Variants in DAAM2 observed in about 807,000 individuals in gnomAD.
The protein encoded by DAAM2 is disheveled-associated activator of morphogenesis 2.
DAAM2 carries 39 observed loss-of-function variants against 120.7 expected under a neutral mutation model. The observed-to-expected ratio is 0.32, with a 90% confidence interval of 0.25 to 0.42. DAAM2 has a LOEUF of 0.42. Among genes scored for constraint, DAAM2 ranks in the 10% least tolerant of loss-of-function variants. The pLI, the probability that DAAM2 is intolerant of heterozygous loss-of-function variation, is 1.00. For missense variants in DAAM2, 1,283 were observed against 1,401.7 expected (o/e 0.92, Z 1.35); for synonymous variants, 488 against 524.9 (o/e 0.93, Z 0.96).
chr6:39,815,904 T>G (rs2114095641), intron 1 of DAAM2, among the ~76,000 whole-genome samples: 1 of 152,342 alleles, frequency 6.6e-6, no homozygotes, highest in South Asian at 2.1e-4. Flanking sequence ...GTAATTCAGC[T>G]GTCTTTACTC....
At chr6:39,799,815 C>A (rs1017842222) in intron 1 of DAAM2, among the ~76,000 whole-genome samples, 9 of 152,160 alleles carry the variant, frequency 5.9e-5, no homozygotes, top group Admixed American at 4.6e-4. Flanking sequence ...AATGTATTCA[C>A]CCCCTTCTAC....
At chr6:39,873,483 G>A (rs1348857976) in intron 10 of DAAM2, 128 bp downstream of exon 10, 101 of 680,716 alleles carry the variant, frequency 1.5e-4, no homozygotes, top group Non-Finnish European at 1.2e-4. Flanking sequence ...CTTGCTTTTG[G>A]GAGGGCAGGC....
At chr6:39,853,658 A>G (rs1763895599) in intron 1 of DAAM2, among the ~76,000 whole-genome samples, 1 of 152,180 alleles carries the variant, frequency 6.6e-6, no homozygotes, top group Non-Finnish European at 1.5e-5. Flanking sequence ...GAGCCAAGAA[A>G]GGTAAGAGGG....
chr6:39,815,399 A>G, intron 1 of DAAM2, among the ~76,000 whole-genome samples: 1 of 152,174 alleles, frequency 6.6e-6, no homozygotes, highest in East Asian at 1.9e-4. Context: ...CACTCATTGT[A>G]TGGGTGTCCC....
intron 1 of DAAM2, among the ~76,000 whole-genome samples, chr6:39,826,658 T>C (rs185751687): frequency 2.0e-5 from 3 of 152,336 alleles, no homozygotes; most frequent in East Asian, 3.9e-4. Context: ...GTGATTTTTT[T>C]CACTTCATAT....
chr6:39,833,641 A>G (rs538560630), intron 1 of DAAM2, among the ~76,000 whole-genome samples: 41 of 152,246 alleles, frequency 2.7e-4, no homozygotes, highest in African/African-American at 9.9e-4. Context: ...TCCTGTCTAG[A>G]GGAGACATCA....
At chr6:39,850,365 C>T (rs1189438738) in intron 1 of DAAM2, among the ~76,000 whole-genome samples, 1 of 152,152 alleles carries the variant, frequency 6.6e-6, no homozygotes, top group East Asian at 1.9e-4. Flanking sequence ...TTACCCCCCA[C>T]CTCCCAGGCT....
chr6:39,840,222 G>A (rs1203713408), intron 1 of DAAM2, among the ~76,000 whole-genome samples: 1 of 151,276 alleles, frequency 6.6e-6, no homozygotes, highest in Non-Finnish European at 1.5e-5. Flanking sequence ...GTGAGACAAT[G>A]TCTCAAAAAA....
chr6:39,893,819 G>A (rs2504805), intron 19 of DAAM2, among the ~76,000 whole-genome samples: 43,304 of 152,028 alleles, frequency 0.28, 6,800 homozygotes, highest in Non-Finnish European at 0.37. Flanking sequence ...GCAAAGATGG[G>A]ATTCTTATTC....
intron 5 of DAAM2, among the ~76,000 whole-genome samples, chr6:39,866,082 T>A (rs147223854): frequency 9.2e-5 from 14 of 152,304 alleles, no homozygotes; most frequent in Non-Finnish European, 1.8e-4. Flanking sequence ...GTGTATGTTG[T>A]CTGAGCTGAG....
intron 6 of DAAM2, chr6:39,868,131 G>GA: frequency 7.1e-6 from 3 of 421,852 alleles, no homozygotes; most frequent in Admixed American, 3.7e-5. Context: ...CATTATTTTT[G>GA]TGGCTCTGCA....
intron 1 of DAAM2, among the ~76,000 whole-genome samples, chr6:39,842,740 T>C (rs1036513764): frequency 1.3e-5 from 2 of 151,926 alleles, no homozygotes; most frequent in Admixed American, 1.3e-4. Flanking sequence ...AAAAAGTGCT[T>C]TGAGTTTATT....
intron 1 of DAAM2, among the ~76,000 whole-genome samples, chr6:39,816,355 A>G (rs1450990879): frequency 6.6e-6 from 1 of 152,190 alleles, no homozygotes; most frequent in African/African-American, 2.4e-5. Context: ...ATAACTAGGG[A>G]TTTGATCACA....
At chr6:39,798,599 G>A (rs531155775) in intron 1 of DAAM2, among the ~76,000 whole-genome samples, 1 of 152,282 alleles carries the variant, frequency 6.6e-6, no homozygotes, top group African/African-American at 2.4e-5. Context: ...AGGTGCTTTT[G>A]TATGACCAAT....
chr6:39,880,296 C>G (rs924454534), intron 14 of DAAM2, among the ~76,000 whole-genome samples: 1 of 151,052 alleles, frequency 6.6e-6, no homozygotes, highest in East Asian at 1.9e-4. Flanking sequence ...TGGACTGGCT[C>G]TTGGGGAACT....
Position 39,857,561 on chromosome 6 carries a change from A to G in DAAM2, c.168+1091A>G, listed in dbSNP as rs867011597. Among the ~76,000 whole-genome samples the G allele has an allele frequency of 2.6e-5, 4 of 152,282 alleles. No individual in the cohort carries two copies. The Middle Eastern group carries it at 0.01, about 391-fold the overall frequency. On this transcript the variant is annotated intron_variant, in intron 2 of 24. Transcript: ENST00000274867. Reference sequence around the variant, plus strand: ...GCAAAGCGTTTGCTAGTGTAGAATAATATCTGGAGCCTGATTAGTGTTAGG... The same window carrying G: ...GCAAAGCGTTTGCTAGTGTAGAATAGTATCTGGAGCCTGATTAGTGTTAGG...
chr6:39,891,609 A>G, intron 18 of DAAM2, 25 bp from the exon 19 acceptor site: 1 of 1,602,372 alleles, frequency 6.2e-7, no homozygotes. Context: ...GGGATACCTC[A>G]AGATATGGTT....
intron 1 of DAAM2, among the ~76,000 whole-genome samples, chr6:39,837,123 C>A (rs1196055537): frequency 6.6e-6 from 1 of 152,172 alleles, no homozygotes; most frequent in Non-Finnish European, 1.5e-5. Flanking sequence ...CAGGCTTCTC[C>A]CTTCCTATCA....
rs1382613011 is a variant in DAAM2 at position 39,897,007 on chromosome 6, C to T, written c.2510+27C>T. 1.9e-6 allele frequency: 3 copies of T among 1,590,722 alleles called. No homozygotes were observed. In the Admixed American group the frequency reaches 5.2e-5, roughly 27 times the overall value. On this transcript the variant is annotated intron_variant, in intron 20 of 24. Transcript: ENST00000274867. Reference sequence around the variant, plus strand: ...TGAGGACCTCCCTTCCCGGCCACTTCCTTGGCCTCTATCTCACCCTACCCT... The same window carrying T: ...TGAGGACCTCCCTTCCCGGCCACTTTCTTGGCCTCTATCTCACCCTACCCT...
Sources: allele counts gnomAD v4.1 joint callset (sites outside exome capture counted in the v4.1 genomes callset), GRCh38; gene constraint gnomAD v4.1.1; transcripts MANE v1.5; gene names NCBI Gene and HGNC (gene_info 2026-07-23, HGNC 2026-07-21).